Variants in FRYL observed in about 807,000 individuals in gnomAD.
The protein encoded by FRYL is FRY like transcription coactivator, also known as protein furry homolog-like.
In FRYL, 150 loss-of-function variants were observed where a neutral mutation model predicts 351.2. The ratio of observed to expected loss-of-function variants is 0.43; its 90% CI spans 0.37 to 0.49. The LOEUF (loss-of-function observed/expected upper bound fraction) is 0.49. FRYL is among the 20% of genes least tolerant of loss of function. The pLI is 0.00. For missense variants in FRYL, 3,036 were observed against 3,619.3 expected, an observed-to-expected ratio of 0.84 and a Z score of 4.13; for synonymous variants, 1,153 against 1,257.1, an observed-to-expected ratio of 0.92 and a Z score of 1.75.
chr4:48,695,777 C>T (rs1052598530), intron 2 of FRYL, among the ~76,000 whole-genome samples: 1 of 152,016 alleles, frequency 6.6e-6, no homozygotes, highest in Non-Finnish European at 1.5e-5. Flanking sequence ...TTGCAAGCTA[C>T]CCATCTGACA....
rs574626256 is a variant in FRYL at position 48,626,250 on chromosome 4, A to ATG, written c.121-3073_121-3072dup. 7.3e-4 allele frequency among the ~76,000 whole-genome samples: 111 copies of ATG among 151,312 alleles called. No homozygotes were observed. The South Asian group carries it at 0.014, about 19-fold the overall frequency. ...TTTGTCAATAAACCTCTCTCTCTCT[A>ATG]TGTGTGTGTGTGTGTATATGTGTAT... On this transcript the variant is annotated intron_variant, in intron 4 of 63. Transcript: ENST00000358350.
intron 1 of FRYL, among the ~76,000 whole-genome samples, chr4:48,732,434 C>A (rs1453490659): frequency 6.6e-6 from 1 of 152,048 alleles, no homozygotes; most frequent in Non-Finnish European, 1.5e-5. Flanking sequence ...GGGCATATAA[C>A]CAAAGGATTA....
chr4:48,613,597 A>C (rs542854860), intron 7 of FRYL, among the ~76,000 whole-genome samples: 2 of 152,310 alleles, frequency 1.3e-5, no homozygotes, highest in South Asian at 4.1e-4. Flanking sequence ...GATGAGGGAA[A>C]TGAAGTTCAG....
At chr4:48,712,891 C>A (rs1304476907) in intron 1 of FRYL, among the ~76,000 whole-genome samples, 2 of 152,182 alleles carry the variant, frequency 1.3e-5, no homozygotes, top group African/African-American at 4.8e-5. Context: ...TCAGCAGAAA[C>A]TCTACAAGCC....
intron 2 of FRYL, among the ~76,000 whole-genome samples, chr4:48,702,094 C>T (rs1302857679): frequency 6.6e-6 from 1 of 152,076 alleles, no homozygotes; most frequent in African/African-American, 2.4e-5. Context: ...ATGACTGATC[C>T]ACCACATGGA....
intron 1 of FRYL, among the ~76,000 whole-genome samples, chr4:48,777,865 A>C (rs1776192242): frequency 6.6e-6 from 1 of 152,206 alleles, no homozygotes; most frequent in Non-Finnish European, 1.5e-5. Context: ...AAGAAATATT[A>C]GGTGAAACAA....
chr4:48,712,981 G>A (rs2149594534), intron 1 of FRYL, among the ~76,000 whole-genome samples: 1 of 152,184 alleles, frequency 6.6e-6, no homozygotes, highest in South Asian at 2.1e-4. Context: ...GCCAAACTAA[G>A]CTTCATAAGT....
Position 48,540,844 on chromosome 4 carries a change from C to G in FRYL, c.5804G>C (p.Ser1935Thr), listed in dbSNP as rs552166309. 6.2e-7 allele frequency: 1 copy of G among 1,614,030 alleles called. No homozygotes were observed. Among genetic ancestry groups the G allele is most frequent in the South Asian group, 1.1e-5 (1 of 91,078 alleles). The change falls in exon 46 of 64, where the codon AGT becomes ACT. Residue 1935 changes from serine (S) to threonine (T), a missense_variant. By Grantham distance (58) the Ser-to-Thr change is moderately conservative. This residue lies in a region of FRYL where 1,987 missense variants were observed against 2,311.7 expected (regional missense o/e 0.86). Coordinates refer to ENST00000358350, the MANE Select transcript of FRYL (RefSeq NM_015030.2). The stretch of plus-strand genomic sequence containing the variant: ...TCTCAAAGAGTTACTTCTTGCATTA[C>G]TGTTATATCCCAAATAACTGCTACT... ...INSSSYLGYN[S>T]NARSNSLRLS... is the part of the protein sequence containing the mutation.
At chr4:48,734,658 A>G (rs1170631799) in intron 1 of FRYL, among the ~76,000 whole-genome samples, 3 of 152,250 alleles carry the variant, frequency 2.0e-5, no homozygotes, top group Non-Finnish European at 4.4e-5. Flanking sequence ...GGGCCATAAA[A>G]CAAAATTAAA....
rs1165576814 is a variant in FRYL at position 48,635,593 on chromosome 4, C to T, written c.-80-1103G>A. On this transcript the variant is annotated intron_variant, in intron 3 of 63. Coordinates refer to ENST00000358350, the MANE Select transcript of FRYL (RefSeq NM_015030.2). Reference sequence around the variant, plus strand: ...GGCCCCAAAAGAAGACACACCACTGCATGCTGTGCAGCTTCACCTGCTCTG... The same window carrying T: ...GGCCCCAAAAGAAGACACACCACTGTATGCTGTGCAGCTTCACCTGCTCTG... Among the ~76,000 whole-genome samples, 4 of 152,324 alleles carry T rather than the reference C, an allele frequency of 2.6e-5. No individual in the cohort carries two copies. In the East Asian group the frequency reaches 5.8e-4, roughly 22 times the overall value.
Position 48,506,614 on chromosome 4 carries a change from TAATATATATA to T in FRYL, c.8395-1009_8395-1000del, listed in dbSNP as rs1264096436. On this transcript the variant is annotated intron_variant, in intron 59 of 63. Coordinates refer to ENST00000358350, the MANE Select transcript of FRYL (RefSeq NM_015030.2). ...AAATTATACTATTAAACAATACAAC[TAATATATATA>T]TATATATATATATATATATATATAT... 2.1e-3 allele frequency: 164 copies of T among 78,000 alleles called. 6 individuals carry two copies. Among genetic ancestry groups the T allele is most frequent in the South Asian group, 5.6e-3 (11 of 1,964 alleles). 4.8% of individuals were successfully genotyped at this position (78,000 alleles called of 1,614,324 possible).
chr4:48,501,246 A>G (rs1277378184), intron 62 of FRYL, among the ~76,000 whole-genome samples: 1 of 152,128 alleles, frequency 6.6e-6, no homozygotes, highest in Non-Finnish European at 1.5e-5. Context: ...GCTGGAGTGC[A>G]GTGCTGCAAT....
Position 48,561,475 on chromosome 4 carries a change from T to A in FRYL, c.3858A>T (p.Ile1286=). 1 of 1,589,108 alleles carries A rather than the reference T, an allele frequency of 6.3e-7. No individual in the cohort carries two copies. The highest frequency in any genetic ancestry group is 8.6e-7 in the Non-Finnish European group (1 of 1,166,066). Residue 1286 remains isoleucine (I), a synonymous_variant, in exon 33 of 64, where the codon ATA becomes ATT. Transcript: ENST00000358350. ...ARAYPELTLA[I]FSEISQRIQT... is the part of the protein sequence containing the mutation. ...CCAGTTCATTGATCATACCTGAGAA[T>A]ATGGCGAGAGTTAGCTCAGGATACG...
At chr4:48,531,038 T>C in intron 50 of FRYL, 118 bp downstream of exon 50, 1 of 699,542 alleles carries the variant, frequency 1.4e-6, no homozygotes, top group South Asian at 1.9e-5. Flanking sequence ...TCATAACAGC[T>C]ATCATATTGT....
chr4:48,526,737 C>A (rs376867673), intron 53 of FRYL, among the ~76,000 whole-genome samples: 12 of 152,058 alleles, frequency 7.9e-5, no homozygotes, highest in African/African-American at 2.9e-4. Flanking sequence ...GTTTTGTGGG[C>A]TAATAAATCT....
chr4:48,688,614 A>T (rs1055710095), intron 2 of FRYL, among the ~76,000 whole-genome samples: 1 of 150,408 alleles, frequency 6.6e-6, no homozygotes, highest in Non-Finnish European at 1.5e-5. Context: ...TATAATTTTT[A>T]AATTTTTTTA....
At chr4:48,602,755 T>C (rs2149254039) in intron 12 of FRYL, among the ~76,000 whole-genome samples, 1 of 152,244 alleles carries the variant, frequency 6.6e-6, no homozygotes, top group Middle Eastern at 3.4e-3. Flanking sequence ...AGAAAAGACG[T>C]AATTAGACAG....
Position 48,528,006 on chromosome 4 carries a change from A to G in FRYL, c.7105T>C (p.Cys2369Arg), listed in dbSNP as rs1174156328. 1.3e-6 allele frequency: 2 copies of G among 1,582,802 alleles called. No homozygotes were observed. The highest frequency in any genetic ancestry group is 8.5e-7 in the Non-Finnish European group (1 of 1,171,524). Residue 2369 changes from cysteine (C) to arginine (R), a missense_variant, in exon 52 of 64, where the codon TGT (cysteine) becomes CGT (arginine). By Grantham distance (180) the Cys-to-Arg change is radical. Coordinates refer to ENST00000358350, the MANE Select transcript of FRYL (RefSeq NM_015030.2). ...REKLMNVLSLCGPESGLPKNP... is the reference protein window; with the variant it reads ...REKLMNVLSLRGPESGLPKNP... Reference sequence around the variant, plus strand: ...TTTGGGAGGCCAGATTCTGGACCACAGAGAGAAAGCACATTCATTAGCTTT... The same window carrying G: ...TTTGGGAGGCCAGATTCTGGACCACGGAGAGAAAGCACATTCATTAGCTTT...
intron 1 of FRYL, among the ~76,000 whole-genome samples, chr4:48,758,633 G>A (rs1429213277): frequency 6.6e-6 from 1 of 152,152 alleles, no homozygotes; most frequent in East Asian, 1.9e-4. Flanking sequence ...ACTGTTGGTG[G>A]GACTGTAAAC....
Sources: gnomAD v4.1 joint callset for allele counts (sites outside exome capture counted in the v4.1 genomes callset) on GRCh38, gnomAD v4.1.1 for gene constraint, gnomAD v4.1.1 regional missense constraint, MANE v1.5 for transcripts, NCBI Gene and HGNC (gene_info 2026-07-23, HGNC 2026-07-21) for gene names.